Variants in EPHA5 observed in about 807,000 individuals in gnomAD.
The protein encoded by EPHA5 is EPH receptor A5.
EPHA5 carries 60 observed loss-of-function variants against 105.0 expected under a neutral mutation model. The observed-to-expected ratio is 0.57, with a 90% CI of 0.46 to 0.71. EPHA5 has a LOEUF of 0.71. EPHA5 is among the 30% of genes least tolerant of loss of function. The probability of loss-of-function intolerance (pLI) is 0.00; values close to 1 mark genes in which losing one functional copy is unlikely to be tolerated. For synonymous variants in EPHA5, 513 were observed against 449.1 expected, an observed-to-expected ratio of 1.14 and a Z score of -1.80; for missense variants, 1,218 against 1,274.7, an observed-to-expected ratio of 0.96 and a Z score of 0.68.
At chr4:65,360,847 G>A (rs1009432918) in intron 11 of EPHA5, among the ~76,000 whole-genome samples, 1 of 151,210 alleles carries the variant, frequency 6.6e-6, no homozygotes, top group East Asian at 2.0e-4. Flanking sequence ...ATTACCTAAT[G>A]TGTCTGGCCC....
At chr4:65,536,595 T>C (rs1736309764) in intron 3 of EPHA5, among the ~76,000 whole-genome samples, 1 of 151,860 alleles carries the variant, frequency 6.6e-6, no homozygotes, top group Non-Finnish European at 1.5e-5. Flanking sequence ...GACTGCTGAA[T>C]TCTAACTACA....
intron 7 of EPHA5, 84 bp from the exon 8 acceptor site, chr4:65,404,563 AATTC>A: frequency 8.5e-7 from 1 of 1,174,290 alleles, no homozygotes. Context: ...GACAGTAATC[AATTC>A]ATGATTTAAG....
intron 3 of EPHA5, among the ~76,000 whole-genome samples, chr4:65,563,484 CAAG>C (rs1488258593): frequency 6.6e-6 from 1 of 151,862 alleles, no homozygotes; most frequent in Non-Finnish European, 1.5e-5. Flanking sequence ...GAGCAGGTAA[CAAG>C]AAATTACATA....
At chr4:65,668,725 G>T (rs1339132945) in intron 1 of EPHA5, among the ~76,000 whole-genome samples, 1 of 152,070 alleles carries the variant, frequency 6.6e-6, no homozygotes, top group Non-Finnish European at 1.5e-5. Flanking sequence ...TGGAGCACAG[G>T]ATTGGGGGTA....
chr4:65,342,195 G>T (rs1721796156), intron 14 of EPHA5, among the ~76,000 whole-genome samples: 1 of 151,874 alleles, frequency 6.6e-6, no homozygotes, highest in South Asian at 2.1e-4. Flanking sequence ...TCCAGGTACA[G>T]AAATCTTGAG....
chr4:65,606,515 T>G (rs1744244271), intron 2 of EPHA5, among the ~76,000 whole-genome samples: 1 of 152,202 alleles, frequency 6.6e-6, no homozygotes, highest in African/African-American at 2.4e-5. Flanking sequence ...ATTAGTTTGG[T>G]AATTCTTAAT....
At chr4:65,418,594 T>C (rs1428816970) in intron 6 of EPHA5, among the ~76,000 whole-genome samples, 1 of 152,180 alleles carries the variant, frequency 6.6e-6, no homozygotes, top group Non-Finnish European at 1.5e-5. Context: ...GATAGTTGCA[T>C]TTAATACTAC....
At chr4:65,437,721 G>A (rs762916052) in intron 5 of EPHA5, among the ~76,000 whole-genome samples, 10 of 151,822 alleles carry the variant, frequency 6.6e-5, no homozygotes, top group Non-Finnish European at 1.3e-4. Context: ...CCAAAATGTA[G>A]TAAAAATCAA....
At chr4:65,525,637 C>T (rs1296178084) in intron 3 of EPHA5, among the ~76,000 whole-genome samples, 1 of 151,868 alleles carries the variant, frequency 6.6e-6, no homozygotes, top group Non-Finnish European at 1.5e-5. Flanking sequence ...AACCAACAGA[C>T]TTTCTCAAAT....
At chr4:65,413,020 A>G (rs1723057639) in intron 7 of EPHA5, among the ~76,000 whole-genome samples, 1 of 152,128 alleles carries the variant, frequency 6.6e-6, no homozygotes, top group Admixed American at 6.6e-5. Flanking sequence ...AATTGTACCT[A>G]AATAGAATCA....
At chr4:65,575,286 G>T (rs912015459) in intron 3 of EPHA5, among the ~76,000 whole-genome samples, 2 of 151,990 alleles carry the variant, frequency 1.3e-5, no homozygotes, top group African/African-American at 4.8e-5. Flanking sequence ...CAAATCAGTG[G>T]GCTCCCACAA....
intron 16 of EPHA5, among the ~76,000 whole-genome samples, chr4:65,329,956 G>A (rs905699968): frequency 6.6e-6 from 1 of 151,190 alleles, no homozygotes; most frequent in Non-Finnish European, 1.5e-5. Flanking sequence ...AAATGTAGTC[G>A]AAAGCACAGA....
chr4:65,458,543 T>A (rs1727830491), intron 5 of EPHA5, among the ~76,000 whole-genome samples: 1 of 152,168 alleles, frequency 6.6e-6, no homozygotes, highest in African/African-American at 2.4e-5. Context: ...CATCTGGAAA[T>A]AATCACTGTT....
At chr4:65,388,025 T>A (rs1470411717) in intron 8 of EPHA5, among the ~76,000 whole-genome samples, 48 of 137,504 alleles carry the variant, frequency 3.5e-4, no homozygotes, top group Admixed American at 6.3e-4. Context: ...TGTCCATGTG[T>A]TCTCATTGTT....
intron 1 of EPHA5, among the ~76,000 whole-genome samples, chr4:65,668,443 A>G (rs1578740457): frequency 6.6e-6 from 1 of 152,204 alleles, no homozygotes; most frequent in African/African-American, 2.4e-5. Flanking sequence ...AGGTTTTTCT[A>G]TGTTTTCATG....
rs535553500 is a variant in EPHA5, at chr4:65,578,256, C to T, written c.910+23385G>A. On this transcript the variant is annotated intron_variant, in intron 3 of 16. Coordinates refer to ENST00000613740, the MANE Select transcript of EPHA5 (RefSeq NM_001281766.3). The stretch of plus-strand genomic sequence containing the variant: ...TCTTTTTGTCAGGGGGCGGGGCATA[C>T]ATACATACAAGACATAACAGTAGGC... Among the ~76,000 whole-genome samples, 132 of 152,232 alleles carry T rather than the reference C, an allele frequency of 8.7e-4. 1 individual carries two copies. Among genetic ancestry groups the T allele is most frequent in the African/African-American group, 2.9e-3 (122 of 41,542 alleles).
intron 2 of EPHA5, among the ~76,000 whole-genome samples, chr4:65,619,146 CA>C (rs544303551): frequency 2.0e-5 from 3 of 148,786 alleles, no homozygotes; most frequent in Non-Finnish European, 4.5e-5. Context: ...AGACTCCGTC[CA>C]AAAAAAAAGA....
chr4:65,615,281 A>T (rs554059582), intron 2 of EPHA5, among the ~76,000 whole-genome samples: 1 of 151,882 alleles, frequency 6.6e-6, no homozygotes, highest in South Asian at 2.1e-4. Context: ...TGATTTAAAA[A>T]CTTAGGTAGA....
At chr4:65,443,723 G>A (rs560556742) in intron 5 of EPHA5, among the ~76,000 whole-genome samples, 17 of 152,182 alleles carry the variant, frequency 1.1e-4, no homozygotes, top group African/African-American at 3.9e-4. Context: ...TTTCCCCTCC[G>A]CACTCCATCT....
Sources: allele counts gnomAD v4.1 joint callset (sites outside exome capture counted in the v4.1 genomes callset), GRCh38; gene constraint gnomAD v4.1.1; transcripts MANE v1.5; gene names NCBI Gene and HGNC (gene_info 2026-07-23, HGNC 2026-07-21).